Variants in LMO1 observed in about 807,000 individuals in gnomAD.
LMO1 encodes rhombotin-1.
A neutral mutation model predicts 18.0 loss-of-function variants in LMO1; 10 were observed. The ratio of observed to expected loss-of-function variants is 0.55; its 90% confidence interval spans 0.34 to 0.94. The LOEUF is 0.94. Ranked by LOEUF, LMO1 falls within the 40% of genes least tolerant of loss-of-function variation. The pLI is 0.02. For synonymous variants in LMO1, 77 were observed against 77.9 expected, an observed-to-expected ratio of 0.99 and a Z score of 0.06; for missense variants, 183 against 205.7, an observed-to-expected ratio of 0.89 and a Z score of 0.68.
chr11:8,264,757 G>A (rs1342084093), upstream of LMO1, among the ~76,000 whole-genome samples: 3 of 152,042 alleles, frequency 2.0e-5, no homozygotes, highest in African/African-American at 4.8e-5. Flanking sequence ...TCAGCCTTCC[G>A]AGTAGCTGGG....
intron 1 of LMO1, among the ~76,000 whole-genome samples, chr11:8,246,157 G>A (rs748872447): frequency 1.6e-4 from 25 of 151,988 alleles, no homozygotes; most frequent in African/African-American, 5.3e-4. Context: ...GACAAACATC[G>A]AAACCATATC....
intron 1 of LMO1, among the ~76,000 whole-genome samples, chr11:8,243,584 G>A (rs1341149011): frequency 6.6e-6 from 1 of 152,202 alleles, no homozygotes; most frequent in Non-Finnish European, 1.5e-5. Flanking sequence ...AAGCTGGTAT[G>A]GCCGCAGGCT....
At chr11:8,229,902 G>A (rs10734630) in intron 2 of LMO1, among the ~76,000 whole-genome samples, 128,171 of 152,140 alleles carry the variant, frequency 0.84, 55,256 homozygotes, top group South Asian at 0.96. Flanking sequence ...GAGGGTCCTG[G>A]GGAAGTCAAA....
chr11:8,258,576 C>A (rs1847136018), intron 1 of LMO1, among the ~76,000 whole-genome samples: 1 of 152,146 alleles, frequency 6.6e-6, no homozygotes, highest in Non-Finnish European at 1.5e-5. Flanking sequence ...GGTTGAGAGA[C>A]CAAAATAGAC....
In LMO1 at chr11:8,230,411, A is replaced by G. The variant is rs1170056796; in HGVS notation, c.119T>C (p.Leu40Ser). The change falls in exon 2 of 4, where the codon TTG becomes TCG. Residue 40 changes from leucine to serine, a missense_variant. Leu to Ser is a moderately radical substitution (Grantham distance 145, BLOSUM62 -2). Transcript: ENST00000335790. ...KIKDRYLLKA[L>S]DKYWHEDCLK... Reference sequence around the variant, plus strand: ...GCAGTCTTCGTGCCAGTACTTGTCCAATGCCTTCAGCAGATAGCGGTCCTT... The same window carrying G: ...GCAGTCTTCGTGCCAGTACTTGTCCGATGCCTTCAGCAGATAGCGGTCCTT... 2 of 1,613,916 alleles carry G rather than the reference A, an allele frequency of 1.2e-6. No individual in the cohort carries two copies. Among genetic ancestry groups the G allele is most frequent in the Non-Finnish European group, 1.7e-6 (2 of 1,179,886 alleles).
chr11:8,263,620 G>A lies in LMO1; in HGVS notation c.-258C>T. 1.5e-6 allele frequency: 2 copies of A among 1,354,624 alleles called. No homozygotes were observed. The highest frequency in any genetic ancestry group is 1.9e-5 in the South Asian group (1 of 54,024). The allele number at this position is 1,354,624 out of a possible 1,614,324, so 83.9% of individuals were successfully genotyped here. A position where few individuals can be genotyped will look rare whatever the true frequency, so the allele number is the denominator to read the frequency against. ...GAACTGCAATTTAGAGAGAGAGGGA[G>A]AGGGAGAGAGAAGGGGGAAAAGAGG... is the stretch of plus-strand genomic sequence containing the variant. On this transcript the variant is annotated 5_prime_UTR_variant, in exon 1 of 4. Transcript: ENST00000335790.
chr11:8,235,784 G>C (rs1952750810), intron 1 of LMO1, among the ~76,000 whole-genome samples: 1 of 152,072 alleles, frequency 6.6e-6, no homozygotes, highest in African/African-American at 2.4e-5. Context: ...TTGTGTAATG[G>C]GTATGAAAAC....
At chr11:8,233,190 C>T (rs910565989) in intron 1 of LMO1, among the ~76,000 whole-genome samples, 1 of 152,194 alleles carries the variant, frequency 6.6e-6, no homozygotes, top group Non-Finnish European at 1.5e-5. Context: ...CAAAGTGTCC[C>T]ATGTCCACCA....
At chr11:8,268,716 C>A (rs989770514), upstream of LMO1, 3 of 236,864 alleles carry the variant, frequency 1.3e-5, no homozygotes, top group African/African-American at 4.6e-5. Context: ...GCTGCCCGGG[C>A]CGGGCCGCAG....
At chr11:8,263,081 G>C (rs1590568753) in intron 1 of LMO1, among the ~76,000 whole-genome samples, 1 of 151,692 alleles carries the variant, frequency 6.6e-6, no homozygotes, top group Admixed American at 6.6e-5. Flanking sequence ...ACAGCTCCTC[G>C]GCTCGCGGCC....
intron 3 of LMO1, among the ~76,000 whole-genome samples, chr11:8,226,463 A>G (rs906044853): frequency 6.6e-6 from 1 of 152,184 alleles, no homozygotes; most frequent in African/African-American, 2.4e-5. Context: ...CCGTGAGCCA[A>G]GATTGTGAGA....
chr11:8,248,666 T>C (rs1846936908), intron 1 of LMO1, among the ~76,000 whole-genome samples: 1 of 152,256 alleles, frequency 6.6e-6, no homozygotes, highest in Non-Finnish European at 1.5e-5. Context: ...CCACGCCTCT[T>C]TCCCAGAATC....
At chr11:8,268,306 G>T (rs1847281546), upstream of LMO1, 1 of 764,960 alleles carries the variant, frequency 1.3e-6, no homozygotes, top group Non-Finnish European at 1.9e-6. Flanking sequence ...GCCGGAGGAG[G>T]CCCGCGGGTG....
At chr11:8,247,733 C>G (rs1339397160) in intron 1 of LMO1, among the ~76,000 whole-genome samples, 1 of 152,224 alleles carries the variant, frequency 6.6e-6, no homozygotes, top group Non-Finnish European at 1.5e-5. Context: ...AGGTCAGTTC[C>G]CTGAGTCTAC....
At chr11:8,262,063 C>T (rs1847195094) in intron 1 of LMO1, among the ~76,000 whole-genome samples, 1 of 152,180 alleles carries the variant, frequency 6.6e-6, no homozygotes, top group Non-Finnish European at 1.5e-5. Context: ...AGCGGCAATG[C>T]GAACATCCTG....
At chr11:8,239,133 C>G (rs899583040) in intron 1 of LMO1, among the ~76,000 whole-genome samples, 2 of 152,228 alleles carry the variant, frequency 1.3e-5, no homozygotes, top group African/African-American at 4.8e-5. Flanking sequence ...GATTGGAATC[C>G]TGGCCTGTCA....
chr11:8,242,167 C>T (rs1382789240), intron 1 of LMO1, among the ~76,000 whole-genome samples: 7 of 152,174 alleles, frequency 4.6e-5, no homozygotes, highest in African/African-American at 1.7e-4. Context: ...ACAATCCAGG[C>T]TTTTGAGAAG....
chr11:8,251,936 G>A (rs796326451), intron 1 of LMO1, among the ~76,000 whole-genome samples: 4 of 148,958 alleles, frequency 2.7e-5, no homozygotes, highest in African/African-American at 9.9e-5. Context: ...TGTAATGTGT[G>A]TGAATGTATG....
upstream of LMO1, among the ~76,000 whole-genome samples, chr11:8,266,848 T>C (rs1847266483): frequency 1.3e-5 from 2 of 152,204 alleles, no homozygotes; most frequent in Admixed American, 1.3e-4. Context: ...AAGACGGAGT[T>C]ACAAGCTAGC....
Sources: gnomAD v4.1 joint callset for allele counts (sites outside exome capture counted in the v4.1 genomes callset) on GRCh38, gnomAD v4.1.1 for gene constraint, MANE v1.5 for transcripts, NCBI Gene and HGNC (gene_info 2026-07-23, HGNC 2026-07-21) for gene names.